The following LRP1B variants were observed in gnomAD, a reference collection of about 807,000 sequenced individuals.
LRP1B encodes low-density lipoprotein receptor-related protein 1B.
A neutral mutation model predicts 556.6 loss-of-function variants in LRP1B; 217 were observed. The observed-to-expected ratio is 0.39, with a 90% CI of 0.35 to 0.44. LRP1B has a LOEUF of 0.44. Among genes scored for constraint, LRP1B ranks in the 20% least tolerant of loss-of-function variants. LRP1B has a pLI of 1.00. For synonymous variants in LRP1B, 2,047 were observed against 1,865.8 expected (o/e 1.10, Z -2.50); for missense variants, 5,053 against 5,620.8 (o/e 0.90, Z 3.23).
At chr2:141,540,886 T>C (rs1685234263) in intron 2 of LRP1B, among the ~76,000 whole-genome samples, 1 of 152,120 alleles carries the variant, frequency 6.6e-6, no homozygotes, top group South Asian at 2.1e-4. Context: ...TGGTGAATCA[T>C]GCTCTACATT....
chr2:142,111,112 C>T (rs1435179507), intron 1 of LRP1B, among the ~76,000 whole-genome samples: 3 of 152,096 alleles, frequency 2.0e-5, no homozygotes, highest in Non-Finnish European at 4.4e-5. Flanking sequence ...TTAATAACTG[C>T]CCACTGTGGG....
chr2:140,976,075 C>G (rs545304881), intron 18 of LRP1B, among the ~76,000 whole-genome samples: 29 of 151,880 alleles, frequency 1.9e-4, no homozygotes, highest in African/African-American at 6.3e-4. Context: ...CCATCACCAC[C>G]CCTGGCTAAT....
At chr2:141,537,209 A>G (rs899887918) in intron 2 of LRP1B, among the ~76,000 whole-genome samples, 1 of 152,074 alleles carries the variant, frequency 6.6e-6, no homozygotes, top group Non-Finnish European at 1.5e-5. Context: ...AAAATGCTGG[A>G]AGTACATATT....
chr2:141,659,255 C>T (rs186422032), intron 2 of LRP1B, among the ~76,000 whole-genome samples: 5 of 152,098 alleles, frequency 3.3e-5, no homozygotes, highest in African/African-American at 7.2e-5. Flanking sequence ...CTGCAAATAG[C>T]GAATCAGTAA....
At chr2:141,614,080 C>CAGAAAAAAAAAAAAAAAAAA (rs1553543025) in intron 2 of LRP1B, among the ~76,000 whole-genome samples, 4 of 47,344 alleles carry the variant, frequency 8.4e-5, no homozygotes, top group Admixed American at 3.6e-4. Flanking sequence ...AACTCAGCCT[C>CAGAAAAAAAAAAAAAAAAAA]AAAAAAAAAA....
At chr2:142,028,959 C>T (rs1460558190) in intron 1 of LRP1B, among the ~76,000 whole-genome samples, 1 of 151,796 alleles carries the variant, frequency 6.6e-6, no homozygotes, top group African/African-American at 2.4e-5. Flanking sequence ...ATCCTTTTGC[C>T]TTCTTCAGTG....
chr2:141,490,279 TTATGAA>T (rs1275053841), intron 2 of LRP1B, among the ~76,000 whole-genome samples: 10 of 152,186 alleles, frequency 6.6e-5, no homozygotes, highest in African/African-American at 2.4e-4. Flanking sequence ...GTATGTATTA[TTATGAA>T]TATAAACAAT....
At chr2:141,836,202 G>C (rs1697272839) in intron 1 of LRP1B, among the ~76,000 whole-genome samples, 1 of 151,794 alleles carries the variant, frequency 6.6e-6, no homozygotes, top group Non-Finnish European at 1.5e-5. Flanking sequence ...TATTTGTGAG[G>C]ATTAGTCAAA....
Position 141,571,255 on chromosome 2 carries a change from AG to A in LRP1B, c.206-90723del, listed in dbSNP as rs1386352782. On this transcript the variant is annotated intron_variant, in intron 2 of 90. Coordinates refer to ENST00000389484, the MANE Select transcript of LRP1B (RefSeq NM_018557.3). The stretch of plus-strand genomic sequence containing the variant: ...CCGCTTGAGTGACATCTCCAGGCAC[AG>A]GAGTGAATCAGATGAATAGGGCCTG... 2.0e-5 allele frequency among the ~76,000 whole-genome samples: 3 copies of A among 151,074 alleles called. No homozygotes were observed. In the East Asian group the frequency reaches 5.8e-4, roughly 29 times the overall value.
At chr2:141,813,457 G>C (rs1696424789) in intron 1 of LRP1B, among the ~76,000 whole-genome samples, 1 of 151,952 alleles carries the variant, frequency 6.6e-6, no homozygotes, top group Non-Finnish European at 1.5e-5. Context: ...GAGGCAGGAG[G>C]GTGCTCAGCA....
chr2:141,045,299 C>T (rs1348057076), intron 11 of LRP1B, among the ~76,000 whole-genome samples: 1 of 147,906 alleles, frequency 6.8e-6, no homozygotes, highest in African/African-American at 2.5e-5. Flanking sequence ...AGGGATAGCA[C>T]TGGGAGATAT....
At chr2:141,032,334 T>C (rs775444762) in intron 11 of LRP1B, among the ~76,000 whole-genome samples, 1 of 152,144 alleles carries the variant, frequency 6.6e-6, no homozygotes, top group African/African-American at 2.4e-5. Flanking sequence ...TTTTTGAACA[T>C]GTGTATACGT....
rs557335443 is a variant in LRP1B at position 140,510,219 on chromosome 2, G to A, written c.8270-163C>T. Among the ~76,000 whole-genome samples, 53 of 152,240 alleles carry A rather than the reference G, an allele frequency of 3.5e-4. 1 individual carries two copies. Among genetic ancestry groups the A allele is most frequent in the African/African-American group, 1.3e-3 (53 of 41,520 alleles). ...TAAACATCATTCTTCCCCTGTAGTT[G>A]TCCACACATTTTTATCTAAGAAGGC... On this transcript the variant is annotated intron_variant, in intron 51 of 90. Coordinates refer to ENST00000389484, the MANE Select transcript of LRP1B (RefSeq NM_018557.3).
At chr2:141,415,508 C>A (rs1691065658) in intron 3 of LRP1B, among the ~76,000 whole-genome samples, 1 of 152,120 alleles carries the variant, frequency 6.6e-6, no homozygotes, top group Non-Finnish European at 1.5e-5. Context: ...TTTTACAGAT[C>A]TATAATGGTG....
chr2:141,456,746 T>C (rs1337265781), intron 3 of LRP1B, among the ~76,000 whole-genome samples: 1 of 152,136 alleles, frequency 6.6e-6, no homozygotes, highest in Non-Finnish European at 1.5e-5. Context: ...TGGATGGGAA[T>C]AAGATCTCAT....
chr2:142,099,779 G>T (rs1039074443), intron 1 of LRP1B, among the ~76,000 whole-genome samples: 1 of 151,756 alleles, frequency 6.6e-6, no homozygotes, highest in African/African-American at 2.4e-5. Context: ...TTAGATAAAA[G>T]AATAATATAG....
chr2:140,948,819 G>GT (rs200954772), intron 20 of LRP1B, among the ~76,000 whole-genome samples: 3,196 of 152,174 alleles, frequency 0.021, 42 homozygotes, highest in Non-Finnish European at 0.026. Flanking sequence ...AAGTTCTCCA[G>GT]GTAAATTAAA....
At chr2:142,129,963 A>G (rs1707790029) in intron 1 of LRP1B, among the ~76,000 whole-genome samples, 1 of 152,146 alleles carries the variant, frequency 6.6e-6, no homozygotes, top group African/African-American at 2.4e-5. Flanking sequence ...GAAAAAGGAA[A>G]AGCAAAGCGC....
chr2:142,090,799 G>A (rs556534033), intron 1 of LRP1B, among the ~76,000 whole-genome samples: 2 of 152,176 alleles, frequency 1.3e-5, no homozygotes, highest in East Asian at 3.9e-4. Flanking sequence ...AGAATTTTAA[G>A]TGGATATATA....
Sources: allele counts gnomAD v4.1 joint callset (sites outside exome capture counted in the v4.1 genomes callset), GRCh38; gene constraint gnomAD v4.1.1; transcripts MANE v1.5; gene names NCBI Gene and HGNC (gene_info 2026-07-23, HGNC 2026-07-21).